Variants in LSAMP observed in about 807,000 individuals in gnomAD.
The protein encoded by LSAMP is limbic system-associated membrane protein.
LSAMP carries 7 observed loss-of-function variants against 38.6 expected under a neutral mutation model. The observed-to-expected ratio is 0.18, with a 90% CI of 0.10 to 0.34. The LOEUF is 0.34. Ranked by LOEUF, LSAMP falls within the 10% of genes least tolerant of loss-of-function variation. LSAMP has a pLI of 1.00. For missense variants in LSAMP, 313 were observed against 420.0 expected, an observed-to-expected ratio of 0.75 and a Z score of 2.23; for synonymous variants, 154 against 166.8, an observed-to-expected ratio of 0.92 and a Z score of 0.59.
intron 1 of LSAMP, among the ~76,000 whole-genome samples, chr3:116,183,161 G>A (rs1305849430): frequency 2.6e-5 from 4 of 151,682 alleles, no homozygotes; most frequent in Non-Finnish European, 1.5e-5. Context: ...TGAAGTGATG[G>A]GGATAAAACT....
chr3:115,885,109 AAGG>A (rs1936418746), intron 3 of LSAMP, among the ~76,000 whole-genome samples: 2 of 152,026 alleles, frequency 1.3e-5, no homozygotes, highest in Admixed American at 6.6e-5. Context: ...CACAAATGAG[AAGG>A]AGAAGTGCAA....
intron 2 of LSAMP, among the ~76,000 whole-genome samples, chr3:116,057,481 G>A (rs867500365): frequency 1.3e-5 from 2 of 152,062 alleles, no homozygotes; most frequent in African/African-American, 4.8e-5. Flanking sequence ...AGATTACTAT[G>A]TCCCTTAGAA....
chr3:116,277,827 C>A (rs1656089931), intron 1 of LSAMP, among the ~76,000 whole-genome samples: 2 of 152,166 alleles, frequency 1.3e-5, no homozygotes, highest in African/African-American at 2.4e-5. Context: ...CCATGAGAGA[C>A]TCAGCCTGCT....
At chr3:115,946,581 C>A (rs1023734588) in intron 3 of LSAMP, among the ~76,000 whole-genome samples, 6 of 152,092 alleles carry the variant, frequency 3.9e-5, no homozygotes, top group Non-Finnish European at 7.4e-5. Context: ...CCAAAATTGG[C>A]ACAAGAAATA....
At chr3:116,221,150 CAAA>C (rs71141862) in intron 1 of LSAMP, among the ~76,000 whole-genome samples, 22 of 53,186 alleles carry the variant, frequency 4.1e-4, no homozygotes, top group South Asian at 1.2e-3. Flanking sequence ...GACTCTGTCT[CAAA>C]AAAAAAAAAA....
intron 3 of LSAMP, among the ~76,000 whole-genome samples, chr3:115,990,124 G>C (rs992297446): frequency 4.6e-5 from 7 of 152,064 alleles, no homozygotes; most frequent in African/African-American, 1.7e-4. Flanking sequence ...ACACACAGCT[G>C]ACTGTGGTTT....
At chr3:115,817,016 C>T (rs755714138) in intron 6 of LSAMP, among the ~76,000 whole-genome samples, 6 of 152,132 alleles carry the variant, frequency 3.9e-5, no homozygotes, top group African/African-American at 7.2e-5. Context: ...ACCATTTTGC[C>T]CTGGTTTATT....
intron 1 of LSAMP, among the ~76,000 whole-genome samples, chr3:116,152,479 T>A (rs1301789309): frequency 3.3e-5 from 5 of 152,124 alleles, no homozygotes; most frequent in Admixed American, 6.6e-5. Context: ...GACACTGCAC[T>A]GCCTCGGCCA....
At chr3:115,954,938 G>GT (rs1938404975) in intron 3 of LSAMP, among the ~76,000 whole-genome samples, 1 of 126,096 alleles carries the variant, frequency 7.9e-6, no homozygotes. Flanking sequence ...GCTTCCTAAT[G>GT]TTTTTTCTGT....
At chr3:116,172,123 TAATA>T (rs1449363364) in intron 1 of LSAMP, among the ~76,000 whole-genome samples, 2 of 152,038 alleles carry the variant, frequency 1.3e-5, no homozygotes, top group East Asian at 1.9e-4. Context: ...TTTATATATT[TAATA>T]AATATCAATT....
chr3:116,091,138 T>C (rs1209561989), intron 1 of LSAMP, among the ~76,000 whole-genome samples: 2 of 152,204 alleles, frequency 1.3e-5, no homozygotes, highest in African/African-American at 4.8e-5. Context: ...GCATTCTCTT[T>C]CTCAGGGACG....
chr3:116,141,301 C>T (rs1709363186), intron 1 of LSAMP, among the ~76,000 whole-genome samples: 1 of 151,396 alleles, frequency 6.6e-6, no homozygotes, highest in South Asian at 2.1e-4. Context: ...TATTTTTGGA[C>T]AATTGGAAGA....
chr3:115,958,172 G>A (rs1938513046), intron 3 of LSAMP, among the ~76,000 whole-genome samples: 1 of 152,006 alleles, frequency 6.6e-6, no homozygotes, highest in Non-Finnish European at 1.5e-5. Flanking sequence ...ATTGGTATAG[G>A]GGTTGCAAAG....
chr3:115,980,337 T>C (rs1368762643), intron 3 of LSAMP, among the ~76,000 whole-genome samples: 1 of 152,168 alleles, frequency 6.6e-6, no homozygotes, highest in Admixed American at 6.6e-5. Flanking sequence ...CTTTATAATT[T>C]TGAAATTTTT....
Position 116,265,966 on chromosome 3 carries a change from T to TC in LSAMP, c.155+178910dup, listed in dbSNP as rs397737118. Among the ~76,000 whole-genome samples the TC allele has an allele frequency of 7.2e-5, 11 of 151,990 alleles. No individual in the cohort carries two copies. In the East Asian group the frequency reaches 7.7e-4, roughly 11 times the overall value. ...TTTAAAAAGTTGTGGGGTTTTTTTT[T>TC]CCCCTTCAATAACTATTAGTGAGAA... On this transcript the variant is annotated intron_variant, in intron 1 of 6. Transcript: ENST00000490035.
At chr3:116,055,965 T>C (rs1020940026) in intron 2 of LSAMP, among the ~76,000 whole-genome samples, 3 of 152,044 alleles carry the variant, frequency 2.0e-5, no homozygotes, top group African/African-American at 4.8e-5. Flanking sequence ...ATCCCTGCTT[T>C]TTTTTTCCCC....
intron 2 of LSAMP, among the ~76,000 whole-genome samples, chr3:116,060,728 C>A (rs1432463880): frequency 6.6e-6 from 1 of 152,090 alleles, no homozygotes; most frequent in African/African-American, 2.4e-5. Flanking sequence ...CCATCGTACT[C>A]CAGCCTGGGC....
At chr3:116,224,742 C>A (rs546777065) in intron 1 of LSAMP, among the ~76,000 whole-genome samples, 12 of 152,126 alleles carry the variant, frequency 7.9e-5, no homozygotes, top group Non-Finnish European at 1.8e-4. Context: ...TAAATCCCTG[C>A]ATGGAAGCCG....
At chr3:115,963,895 G>A (rs9289032) in intron 3 of LSAMP, among the ~76,000 whole-genome samples, 30,870 of 151,918 alleles carry the variant, frequency 0.2, 3,382 homozygotes, top group African/African-American at 0.28. Context: ...CTGGGACCAC[G>A]GGCTCACACC....
Sources: allele counts gnomAD v4.1 joint callset (sites outside exome capture counted in the v4.1 genomes callset), GRCh38; gene constraint gnomAD v4.1.1; transcripts MANE v1.5; gene names NCBI Gene and HGNC (gene_info 2026-07-23, HGNC 2026-07-21).